RBMS3: variants seen among roughly 807,000 people sequenced by gnomAD.
RBMS3 encodes RNA binding motif single stranded interacting protein 3.
In RBMS3, 27 loss-of-function variants were observed where a neutral mutation model predicts 66.8. The observed-to-expected ratio is 0.40, with a 90% CI of 0.30 to 0.56. The LOEUF is 0.56. RBMS3 is among the 20% of genes least tolerant of loss of function. The pLI is 0.40. For missense variants in RBMS3, 513 were observed against 549.5 expected, an observed-to-expected ratio of 0.93 and a Z score of 0.66; for synonymous variants, 188 against 183.0, an observed-to-expected ratio of 1.03 and a Z score of -0.22.
At chr3:29,350,722 A>T (rs138234403) in intron 1 of RBMS3, among the ~76,000 whole-genome samples, 1 of 152,266 alleles carries the variant, frequency 6.6e-6, no homozygotes, top group Non-Finnish European at 1.5e-5. Context: ...TGTTTAGGGG[A>T]ATAGTTTTAA....
intron 1 of RBMS3, among the ~76,000 whole-genome samples, chr3:29,391,698 C>T (rs12488564): frequency 0.2 from 29,884 of 152,030 alleles, 3,800 homozygotes; most frequent in East Asian, 0.56. Context: ...AAGTGGCTCA[C>T]CCTTGGGAAA....
chr3:29,532,399 G>T (rs918171531), intron 3 of RBMS3, among the ~76,000 whole-genome samples: 3 of 151,106 alleles, frequency 2.0e-5, no homozygotes, highest in Non-Finnish European at 4.4e-5. Flanking sequence ...ATTCTGCTTT[G>T]GGGGAAACTG....
At chr3:29,418,186 G>A (rs17023462) in intron 1 of RBMS3, among the ~76,000 whole-genome samples, 8,582 of 152,174 alleles carry the variant, frequency 0.056, 412 homozygotes, top group African/African-American at 0.13. Flanking sequence ...CTGCTGGGAT[G>A]TGATAAGAAG....
At chr3:29,788,085 C>T (rs1199996921) in intron 6 of RBMS3, among the ~76,000 whole-genome samples, 1 of 151,998 alleles carries the variant, frequency 6.6e-6, no homozygotes, top group African/African-American at 2.4e-5. Flanking sequence ...TCCCTGTGTC[C>T]AGAGGCTGCT....
chr3:29,702,477 C>T (rs1287385900), intron 4 of RBMS3, among the ~76,000 whole-genome samples: 1 of 152,172 alleles, frequency 6.6e-6, no homozygotes, highest in Non-Finnish European at 1.5e-5. Context: ...CAGTGGCAAC[C>T]CGCCGGGGTC....
chr3:29,423,220 G>A (rs2040819704), intron 1 of RBMS3, among the ~76,000 whole-genome samples: 1 of 152,134 alleles, frequency 6.6e-6, no homozygotes. Context: ...CAGCTTGTCT[G>A]CCAAAGAGAG....
Position 29,417,144 on chromosome 3 carries a change from T to C in RBMS3, c.76-17599T>C, listed in dbSNP as rs180932173. 2.6e-5 allele frequency among the ~76,000 whole-genome samples: 4 copies of C among 152,238 alleles called. No homozygotes were observed. The East Asian group carries it at 7.7e-4, about 29-fold the overall frequency. ...TCTGAAGTGTGTCAGGGAATTAATA[T>C]TATTTTCTACATTTTTTATTTTCAT... On this transcript the variant is annotated intron_variant, in intron 1 of 14. Transcript: ENST00000383767.
At position 29,578,790 on chromosome 3, in the gene RBMS3, C is replaced by CTTTTTTTTTTTTTT. The variant is rs1185861167; in HGVS notation, c.308-8315_308-8302dup. ...AAAGAATCACAGGTAATACATGCTT[C>CTTTTTTTTTTTTTT]TTTTTTTTTTTTTTTTTTTTTTGAG... On this transcript the variant is annotated intron_variant, in intron 3 of 14. Coordinates refer to ENST00000383767, the MANE Select transcript of RBMS3 (RefSeq NM_001003793.3). Among the ~76,000 whole-genome samples, 132 of 101,056 alleles carry CTTTTTTTTTTTTTT rather than the reference C, an allele frequency of 1.3e-3. 8 individuals carry two copies. The highest frequency in any genetic ancestry group is 2.3e-3 in the Admixed American group (21 of 9,118). 66.3% of individuals were successfully genotyped at this position (101,056 alleles called of 152,430 possible).
At chr3:29,503,742 A>G (rs751780415) in intron 3 of RBMS3, among the ~76,000 whole-genome samples, 1 of 152,138 alleles carries the variant, frequency 6.6e-6, no homozygotes, top group Non-Finnish European at 1.5e-5. Flanking sequence ...TAGACCACAG[A>G]TGTATTTTTT....
At chr3:29,499,264 G>A (rs1168128729) in intron 3 of RBMS3, among the ~76,000 whole-genome samples, 1 of 148,652 alleles carries the variant, frequency 6.7e-6, no homozygotes, top group Non-Finnish European at 1.5e-5. Context: ...TTTGGTGCTA[G>A]CCATTGTTCT....
At chr3:29,432,754 T>G (rs1227939008) in intron 1 of RBMS3, among the ~76,000 whole-genome samples, 1 of 152,106 alleles carries the variant, frequency 6.6e-6, no homozygotes, top group African/African-American at 2.4e-5. Flanking sequence ...ACCAGAGTGT[T>G]GTAGGATGAT....
rs374874560 is a variant in RBMS3 at position 29,988,164 on chromosome 3, A to G, written c.1120A>G (p.Met374Val). 5.0e-6 allele frequency: 8 copies of G among 1,613,068 alleles called. No individual in the cohort carries two copies. Among genetic ancestry groups the G allele is most frequent in the South Asian group, 1.1e-5 (1 of 91,060 alleles). The change falls in exon 13 of 15, where the codon ATG (methionine) becomes GTG (valine). Residue 374 changes from methionine to valine, a missense_variant. Coordinates refer to ENST00000383767, the MANE Select transcript of RBMS3 (RefSeq NM_001003793.3). The stretch of plus-strand genomic sequence containing the variant: ...CTAGTATATGACTGCTGCTGCTCCT[A>G]TGCAAGGGACCTACATTCCTCAGTA... Reference protein sequence around the residue: ...LCQYMTAAAPMQGTYIPQYTP... With the variant: ...LCQYMTAAAPVQGTYIPQYTP...
chr3:29,892,812 T>TATGTATGC (rs2060033113), intron 8 of RBMS3, among the ~76,000 whole-genome samples: 1 of 120,906 alleles, frequency 8.3e-6, no homozygotes, highest in Admixed American at 8.4e-5. Flanking sequence ...AGTATGTATG[T>TATGTATGC]ATGTATGTAT....
At chr3:29,796,853 T>C (rs1206109594) in intron 6 of RBMS3, among the ~76,000 whole-genome samples, 1 of 151,708 alleles carries the variant, frequency 6.6e-6, no homozygotes, top group Non-Finnish European at 1.5e-5. Context: ...GCTGGGACTA[T>C]AGGCACACCC....
In RBMS3 at chr3:29,685,014, G is replaced by A. The variant is rs547618393; in HGVS notation, c.400-54706G>A. Among the ~76,000 whole-genome samples, 15 of 151,946 alleles carry A rather than the reference G, an allele frequency of 9.9e-5. No homozygotes were observed. The South Asian group carries it at 3.1e-3, about 32-fold the overall frequency. ...GTAAGTATAAGTTTTATATTTTTCA[G>A]GGGTAAAACAGTTTCCGGTAAACAA... On this transcript the variant is annotated intron_variant, in intron 4 of 14. Transcript: ENST00000383767.
chr3:29,569,742 G>A (rs891769502), intron 3 of RBMS3, among the ~76,000 whole-genome samples: 1 of 152,036 alleles, frequency 6.6e-6, no homozygotes, highest in Admixed American at 6.6e-5. Context: ...AAAAACTTAG[G>A]AAAAATCATT....
intron 4 of RBMS3, among the ~76,000 whole-genome samples, chr3:29,679,748 A>G (rs2149258456): frequency 6.9e-6 from 1 of 144,334 alleles, no homozygotes; most frequent in Non-Finnish European, 1.5e-5. Context: ...TGCTTTAGCA[A>G]TAATTTATAC....
chr3:29,959,756 G>A (rs1696295950), intron 12 of RBMS3, among the ~76,000 whole-genome samples: 1 of 152,046 alleles, frequency 6.6e-6, no homozygotes, highest in Non-Finnish European at 1.5e-5. Flanking sequence ...TATTCACATG[G>A]CAGCAGCAAG....
rs772231305 is a variant in RBMS3, at chr3:29,944,202, C to G, written c.1051-5C>G. ...CATTCTTTCTCATGCTCTTTTCATT[C>G]AAAGATTCAATCCCAAGACAGGATT... On this transcript the variant is annotated splice_polypyrimidine_tract_variant and splice_region_variant and intron_variant, in intron 11 of 14. Transcript: ENST00000383767. 6.3e-7 allele frequency: 1 copy of G among 1,582,904 alleles called. No homozygotes were observed. Among genetic ancestry groups the G allele is most frequent in the South Asian group, 1.1e-5 (1 of 90,402 alleles).
Sources: gnomAD v4.1 joint callset for allele counts (sites outside exome capture counted in the v4.1 genomes callset) on GRCh38, gnomAD v4.1.1 for gene constraint, MANE v1.5 for transcripts, NCBI Gene and HGNC (gene_info 2026-07-23, HGNC 2026-07-21) for gene names.